The following CFAP299 variants were observed in gnomAD, a reference collection of about 807,000 sequenced individuals.
CFAP299 encodes cilia and flagella associated protein 299, also known as cilia- and flagella-associated protein 299.
In CFAP299, 21 loss-of-function variants were observed where a neutral mutation model predicts 27.0. The observed-to-expected ratio is 0.78, with a 90% CI of 0.55 to 1.12. The LOEUF (loss-of-function observed/expected upper bound fraction) is 1.12, where lower values mean the gene tolerates loss of function less well. Among genes scored for constraint, CFAP299 ranks in the 50% most tolerant of loss-of-function variants. The probability of loss-of-function intolerance (pLI) is 0.00; values close to 1 mark genes in which losing one functional copy is unlikely to be tolerated. For missense variants in CFAP299, 310 were observed against 276.6 expected (o/e 1.12, Z -0.86); for synonymous variants, 104 against 98.1 (o/e 1.06, Z -0.36).
At chr4:80,742,894 G>C (rs140492478) in intron 3 of CFAP299, among the ~76,000 whole-genome samples, 1 of 152,206 alleles carries the variant, frequency 6.6e-6, no homozygotes, top group Non-Finnish European at 1.5e-5. Context: ...CAGAAGTAGA[G>C]ACAATGTTAG....
At chr4:80,926,868 A>C (rs1209471407) in intron 4 of CFAP299, among the ~76,000 whole-genome samples, 3 of 152,074 alleles carry the variant, frequency 2.0e-5, no homozygotes, top group Admixed American at 1.3e-4. Context: ...TGAATTAAGA[A>C]GACCTTCAAA....
At chr4:80,694,088 G>A (rs1181835558) in intron 3 of CFAP299, among the ~76,000 whole-genome samples, 2 of 152,064 alleles carry the variant, frequency 1.3e-5, no homozygotes, top group Admixed American at 1.3e-4. Flanking sequence ...GGTGTTTCTG[G>A]CTTACAATTT....
intron 4 of CFAP299, among the ~76,000 whole-genome samples, chr4:80,921,588 A>G (rs2110211325): frequency 6.6e-6 from 1 of 152,218 alleles, no homozygotes; most frequent in African/African-American, 2.4e-5. Context: ...GCAGTAAGAC[A>G]TGAAGGGCCA....
rs187912030 is a variant in CFAP299, at chr4:80,889,022, A to G, written c.476+18887A>G. Among the ~76,000 whole-genome samples the G allele has an allele frequency of 3.5e-3, 519 of 150,174 alleles. 9 individuals carry two copies. Among genetic ancestry groups the G allele is most frequent in the African/African-American group, 0.012 (493 of 41,168 alleles). ...TATAAGTGCCTAAGCAAAAAAAAAA[A>G]AAAAAAAAAAAGAGGGAAAACTTCA... On this transcript the variant is annotated intron_variant, in intron 4 of 5. Transcript: ENST00000358105.
At chr4:80,719,663 A>G (rs1722704793) in intron 3 of CFAP299, among the ~76,000 whole-genome samples, 1 of 152,090 alleles carries the variant, frequency 6.6e-6, no homozygotes, top group Non-Finnish European at 1.5e-5. Flanking sequence ...GGCTGCCATC[A>G]CTCGGCTATG....
At chr4:80,329,210 T>C in the CFAP299 span, among the ~76,000 whole-genome samples, 114 of 92,674 alleles carry the variant, frequency 1.2e-3, no homozygotes, top group Non-Finnish European at 2.1e-3. Flanking sequence ...ACTGTATACA[T>C]ATATATATAT....
chr4:80,650,208 G>T (rs1344626985), intron 3 of CFAP299, among the ~76,000 whole-genome samples: 1 of 151,838 alleles, frequency 6.6e-6, no homozygotes, highest in East Asian at 1.9e-4. Flanking sequence ...TACTTTTTGT[G>T]CATTGAGAAA....
chr4:80,741,875 TG>T (rs1241253214), intron 3 of CFAP299, among the ~76,000 whole-genome samples: 1 of 152,156 alleles, frequency 6.6e-6, no homozygotes, highest in Non-Finnish European at 1.5e-5. Context: ...ACCACTGGGA[TG>T]GATGATTCCT....
chr4:80,700,517 C>T (rs1366366739), intron 3 of CFAP299, among the ~76,000 whole-genome samples: 2 of 152,038 alleles, frequency 1.3e-5, no homozygotes, highest in Non-Finnish European at 2.9e-5. Flanking sequence ...TTTACTGAGT[C>T]TGAGGGCCAC....
chr4:80,768,376 A>T (rs1034099506), intron 3 of CFAP299, among the ~76,000 whole-genome samples: 4 of 152,216 alleles, frequency 2.6e-5, no homozygotes, highest in African/African-American at 7.2e-5. Flanking sequence ...CAGGAAAAAA[A>T]ATCAGTGGGA....
chr4:80,781,956 C>T (rs1013938698), intron 3 of CFAP299, among the ~76,000 whole-genome samples: 3 of 151,630 alleles, frequency 2.0e-5, no homozygotes, highest in Non-Finnish European at 4.4e-5. Flanking sequence ...AAGCCTTGTG[C>T]TTTATTGTCC....
At chr4:80,892,636 A>T (rs984388046) in intron 4 of CFAP299, among the ~76,000 whole-genome samples, 1 of 152,194 alleles carries the variant, frequency 6.6e-6, no homozygotes, top group Non-Finnish European at 1.5e-5. Flanking sequence ...AAATTGTATG[A>T]TTATCTCAGT....
At chr4:80,852,842 CT>C (rs1731603047) in intron 3 of CFAP299, among the ~76,000 whole-genome samples, 1 of 152,012 alleles carries the variant, frequency 6.6e-6, no homozygotes, top group South Asian at 2.1e-4. Context: ...TATTCTATTC[CT>C]TTTGATAGAT....
rs367992365 is a variant in CFAP299, at chr4:80,437,916, GTTTC to G, written c.242+75039_242+75042del. On this transcript the variant is annotated intron_variant, in intron 2 of 5. Coordinates refer to ENST00000358105, the MANE Select transcript of CFAP299 (RefSeq NM_152770.3). ...GCTTCATTTACACCATTTTCTTTAGGTTTCTTTCTTATTTCTTTGACCTTTTATT... is the reference window on the plus strand; with the variant it reads ...GCTTCATTTACACCATTTTCTTTAGGTTTCTTATTTCTTTGACCTTTTATT... 6.2e-3 allele frequency among the ~76,000 whole-genome samples: 938 copies of G among 151,698 alleles called. 2 individuals are homozygous for G. Among genetic ancestry groups the G allele is most frequent in the Middle Eastern group, 0.024 (7 of 294 alleles).
intron 5 of CFAP299, among the ~76,000 whole-genome samples, chr4:80,955,158 G>GA (rs1442784954): frequency 6.6e-6 from 1 of 151,996 alleles, no homozygotes; most frequent in East Asian, 1.9e-4. Flanking sequence ...AAAATACTTT[G>GA]GAGCAGTTGA....
intron 4 of CFAP299, among the ~76,000 whole-genome samples, chr4:80,902,672 G>T (rs1578226206): frequency 6.7e-6 from 1 of 148,232 alleles, no homozygotes; most frequent in East Asian, 2.0e-4. Context: ...TCAACCTTTG[G>T]TAAAGAAGAG....
At chr4:80,388,980 T>C (rs1725182918) in intron 2 of CFAP299, among the ~76,000 whole-genome samples, 1 of 152,128 alleles carries the variant, frequency 6.6e-6, no homozygotes, top group African/African-American at 2.4e-5. Flanking sequence ...TTTACAGTAA[T>C]ATGTGGGTGT....
intron 3 of CFAP299, among the ~76,000 whole-genome samples, chr4:80,838,461 C>A (rs1276699085): frequency 6.6e-6 from 1 of 152,024 alleles, no homozygotes; most frequent in East Asian, 1.9e-4. Flanking sequence ...TAGGGGTCCA[C>A]TTTAAGTTTT....
chr4:80,358,132 C>T (rs773383648), intron 1 of CFAP299, among the ~76,000 whole-genome samples: 4 of 151,756 alleles, frequency 2.6e-5, no homozygotes, highest in Non-Finnish European at 4.4e-5. Flanking sequence ...TTCAGTTTTC[C>T]TGTAATTTAT....
Sources: gnomAD v4.1 joint callset for allele counts (sites outside exome capture counted in the v4.1 genomes callset) on GRCh38, gnomAD v4.1.1 for gene constraint, MANE v1.5 for transcripts, NCBI Gene and HGNC (gene_info 2026-07-23, HGNC 2026-07-21) for gene names.